SLC2A9: variants seen among roughly 807,000 people sequenced by gnomAD.
SLC2A9 encodes the protein solute carrier family 2, facilitated glucose transporter member 9.
SLC2A9 carries 39 observed loss-of-function variants against 50.6 expected under a neutral mutation model. That is an observed-to-expected ratio of 0.77 (90% confidence interval 0.60 to 1.01). The LOEUF (loss-of-function observed/expected upper bound fraction) is 1.01, where lower values mean the gene tolerates loss of function less well. SLC2A9 is among the 50% of genes least tolerant of loss of function. The pLI is 0.00. For synonymous variants in SLC2A9, 324 were observed against 276.9 expected (o/e 1.17, Z -1.69); for missense variants, 686 against 677.6 (o/e 1.01, Z -0.14).
At chr4:9,959,435 A>G (rs7699609) in intron 5 of SLC2A9, among the ~76,000 whole-genome samples, 72,483 of 150,162 alleles carry the variant, frequency 0.48, 18,837 homozygotes, top group African/African-American at 0.67. Flanking sequence ...CAATCATCAG[A>G]TTGATGTCTC....
chr4:9,819,244 T>G (rs1027000858), intron 3 of SLC2A9, among the ~76,000 whole-genome samples: 2 of 152,082 alleles, frequency 1.3e-5, no homozygotes, highest in Admixed American at 6.5e-5. Context: ...AGAAACAATA[T>G]TTTGATCACC....
intron 11 of SLC2A9, among the ~76,000 whole-genome samples, chr4:9,834,197 C>T (rs768202238): frequency 5.3e-5 from 8 of 152,194 alleles, no homozygotes; most frequent in Non-Finnish European, 1.0e-4. Flanking sequence ...CCTTCCAGAG[C>T]CCTTCACGAT....
chr4:10,023,802 G>A (rs890745083), upstream of SLC2A9, among the ~76,000 whole-genome samples: 18 of 152,098 alleles, frequency 1.2e-4, no homozygotes, highest in African/African-American at 2.7e-4. Flanking sequence ...CCTACATTTC[G>A]GGGCAACTGA....
chr4:9,791,847 C>T (rs966577106), intron 3 of SLC2A9, among the ~76,000 whole-genome samples: 3 of 152,150 alleles, frequency 2.0e-5, no homozygotes, highest in African/African-American at 7.2e-5. Context: ...GCCTGGGCTC[C>T]TGACTCATAG....
intron 7 of SLC2A9, among the ~76,000 whole-genome samples, chr4:9,909,420 T>C (rs893385835): frequency 2.0e-5 from 3 of 152,202 alleles, no homozygotes; most frequent in Admixed American, 6.5e-5. Flanking sequence ...TTCCATCTTG[T>C]TGAGGTCTCT....
upstream of SLC2A9, chr4:10,025,715 G>A (rs994562438): frequency 1.7e-6 from 1 of 601,502 alleles, no homozygotes; most frequent in South Asian, 2.0e-5. Flanking sequence ...TCACTCTTCT[G>A]AGCCTCATCC....
chr4:9,917,325 C>CTTTTTTTTTTTTTTTTTTT (rs55927201), intron 7 of SLC2A9, among the ~76,000 whole-genome samples: 4 of 81,800 alleles, frequency 4.9e-5, no homozygotes, highest in Non-Finnish European at 4.3e-5. Context: ...TTCTTTTTTC[C>CTTTTTTTTTTTTTTTTTTT]TTTTTTTTTT....
At chr4:9,782,021 C>G in intron 3 of SLC2A9, 2 of 1,455,616 alleles carry the variant, frequency 1.4e-6, no homozygotes, top group Non-Finnish European at 1.8e-6. Flanking sequence ...CCCTGCAGTC[C>G]AGCCCGAAAT....
At chr4:9,973,430 A>T (rs183875837) in intron 5 of SLC2A9, among the ~76,000 whole-genome samples, 1 of 152,278 alleles carries the variant, frequency 6.6e-6, no homozygotes, top group African/African-American at 2.4e-5. Context: ...ACTCCTCTCT[A>T]ATTTGTTCTT....
Position 9,917,325 on chromosome 4 carries a change from C to CTTTTTTTTTTTTTTT in SLC2A9, c.1002+3045_1002+3059dup, listed in dbSNP as rs55927201. On this transcript the variant is annotated intron_variant, in intron 7 of 11. Coordinates refer to ENST00000264784, the MANE Select transcript of SLC2A9 (RefSeq NM_020041.3). ...CAACTTTTGAATAATTTCTTTTTTC[C>CTTTTTTTTTTTTTTT]TTTTTTTTTTTTTTTTTTTTTTTTT... is the stretch of plus-strand genomic sequence containing the variant. 2.1e-4 allele frequency among the ~76,000 whole-genome samples: 17 copies of CTTTTTTTTTTTTTTT among 81,796 alleles called. 1 individual carries two copies. Among genetic ancestry groups the CTTTTTTTTTTTTTTT allele is most frequent in the Non-Finnish European group, 2.6e-4 (12 of 46,932 alleles). The allele number at this position is 81,796 out of a possible 152,430, so 53.7% of individuals were successfully genotyped here. A position where few individuals can be genotyped will look rare whatever the true frequency, so the allele number is the denominator to read the frequency against.
intron 10 of SLC2A9, among the ~76,000 whole-genome samples, chr4:9,886,154 C>T (rs984966820): frequency 1.3e-5 from 2 of 152,136 alleles, no homozygotes; most frequent in African/African-American, 4.8e-5. Flanking sequence ...CAGAGGCAAG[C>T]CCCTCTGGGA....
intron 6 of SLC2A9, among the ~76,000 whole-genome samples, chr4:9,935,646 G>A (rs1746929375): frequency 6.6e-6 from 1 of 152,186 alleles, no homozygotes; most frequent in African/African-American, 2.4e-5. Flanking sequence ...CACCTGCTAT[G>A]TGGAAGAACT....
chr4:9,806,683 G>A (rs1722160559), intron 3 of SLC2A9, among the ~76,000 whole-genome samples: 1 of 152,186 alleles, frequency 6.6e-6, no homozygotes, highest in Admixed American at 6.5e-5. Flanking sequence ...TGGGGGGTGG[G>A]AGGAGAGAAG....
chr4:9,780,710 T>C (rs920184321), intron 3 of SLC2A9, among the ~76,000 whole-genome samples: 5 of 152,188 alleles, frequency 3.3e-5, no homozygotes, highest in Non-Finnish European at 5.9e-5. Context: ...GCCGAAACAC[T>C]TCACAAATGC....
At chr4:10,004,912 A>G (rs1760499016) in intron 2 of SLC2A9, among the ~76,000 whole-genome samples, 1 of 152,170 alleles carries the variant, frequency 6.6e-6, no homozygotes, top group Non-Finnish European at 1.5e-5. Flanking sequence ...GTGGTAGGTA[A>G]CCTCTAGGCC....
chr4:9,774,338 T>G (rs914563269), intron 1 of SLC2A9, among the ~76,000 whole-genome samples: 1 of 152,166 alleles, frequency 6.6e-6, no homozygotes, highest in Non-Finnish European at 1.5e-5. Context: ...GGGAGAATGT[T>G]TAGTGTTCTA....
chr4:9,980,676 G>A lies in SLC2A9; in HGVS notation c.597C>T (p.Gly199=). 1.9e-6 allele frequency: 3 copies of A among 1,614,162 alleles called. No individual in the cohort carries two copies. The highest frequency in any genetic ancestry group is 2.5e-6 in the Non-Finnish European group (3 of 1,180,024). The change falls in exon 5 of 12, where the codon GGC becomes GGT. Residue 199 remains glycine (G), a synonymous_variant. Coordinates refer to ENST00000264784, the MANE Select transcript of SLC2A9 (RefSeq NM_020041.3). ...AGATGGCAGTCACCTGCCCCAGAGA[G>A]CCACGGATCTCCTTGGGTGAGATCT... ...LSEISPKEIR[G]SLGQVTAIFI...
At chr4:9,859,908 A>T (rs1459661050) in intron 10 of SLC2A9, among the ~76,000 whole-genome samples, 4 of 152,212 alleles carry the variant, frequency 2.6e-5, no homozygotes. Context: ...AGGCCGAACC[A>T]TTTCCAGATC....
intron 10 of SLC2A9, chr4:9,879,960 T>C (rs1734927492): frequency 1.0e-6 from 1 of 985,352 alleles, no homozygotes; most frequent in Non-Finnish European, 1.2e-6. Flanking sequence ...CAAGTCTTCT[T>C]ACATCGACCT....
Sources: allele counts gnomAD v4.1 joint callset (sites outside exome capture counted in the v4.1 genomes callset), GRCh38; gene constraint gnomAD v4.1.1; transcripts MANE v1.5; gene names NCBI Gene and HGNC (gene_info 2026-07-23, HGNC 2026-07-21).